LHX8: variants seen among roughly 807,000 people sequenced by gnomAD.
LHX8 encodes LIM homeobox 8, also known as LIM/homeobox protein Lhx8.
LHX8 carries 12 observed loss-of-function variants against 40.3 expected under a neutral mutation model. The observed-to-expected ratio is 0.30, with a 90% CI of 0.19 to 0.48. The LOEUF (loss-of-function observed/expected upper bound fraction) is 0.48. Ranked by LOEUF, LHX8 falls within the 20% of genes least tolerant of loss-of-function variation. The probability of loss-of-function intolerance (pLI) is 0.99; values close to 1 mark genes in which losing one functional copy is unlikely to be tolerated. For synonymous variants in LHX8, 179 were observed against 162.0 expected, an observed-to-expected ratio of 1.10 and a Z score of -0.80; for missense variants, 344 against 433.7, an observed-to-expected ratio of 0.79 and a Z score of 1.84.
At chr1:75,182,753 A>T in the LHX8 span, among the ~76,000 whole-genome samples, 1 of 152,170 alleles carries the variant, frequency 6.6e-6, no homozygotes, top group African/African-American at 2.4e-5. Context: ...CAGTAATGTT[A>T]TGCCTCTAGG....
At chr1:75,164,114 TTTA>T (rs1322542586), downstream of LHX8, among the ~76,000 whole-genome samples, 1 of 152,214 alleles carries the variant, frequency 6.6e-6, no homozygotes, top group East Asian at 1.9e-4. Flanking sequence ...ATAAAACAAT[TTTA>T]TTAGATAAAT....
At chr1:75,170,762 T>C in the LHX8 span, among the ~76,000 whole-genome samples, 17,512 of 152,112 alleles carry the variant, frequency 0.12, 1,656 homozygotes, top group African/African-American at 0.26. Context: ...TGGAAGAATT[T>C]TGCAGCAGAT....
rs112675930 is a variant in LHX8, at chr1:75,135,054, C to A, written c.-13+100C>A. On this transcript the variant is annotated intron_variant, in intron 1 of 8. Transcript: ENST00000356261. ...CTGTCGGGTGGAACCGGAGACCTGG[C>A]TCGTTTCGTTCGGCTGCCCGCGGAC... 1,331 of 452,612 alleles carry A rather than the reference C, an allele frequency of 2.9e-3. 15 individuals carry two copies. The highest frequency in any genetic ancestry group is 0.026 in the African/African-American group (1,214 of 47,092). The allele number at this position is 452,612 out of a possible 1,614,324, so 28.0% of individuals were successfully genotyped here.
the LHX8 span, among the ~76,000 whole-genome samples, chr1:75,191,783 A>G: frequency 6.6e-6 from 1 of 152,250 alleles, no homozygotes; most frequent in East Asian, 1.9e-4. Flanking sequence ...GTGGATTGCC[A>G]TCATTGGCCA....
chr1:75,129,854 C>T (rs1647919264), upstream of LHX8: 1 of 152,102 alleles, frequency 6.6e-6, no homozygotes, highest in Admixed American at 6.5e-5. Context: ...CCCGGTTTGC[C>T]TAGGACTTGT....
At chr1:75,130,545 A>AGTG, upstream of LHX8, 1 of 729,954 alleles carries the variant, frequency 1.4e-6, no homozygotes, top group Non-Finnish European at 2.5e-6. Flanking sequence ...GAGAGAGACC[A>AGTG]GTGGGTCCCA....
chr1:75,146,117 A>T (rs974698688), intron 6 of LHX8, among the ~76,000 whole-genome samples: 1 of 152,198 alleles, frequency 6.6e-6, no homozygotes, highest in African/African-American at 2.4e-5. Context: ...ACACTCTAAT[A>T]AATCGGTATC....
chr1:75,193,599 C>G, the LHX8 span, among the ~76,000 whole-genome samples: 1 of 152,182 alleles, frequency 6.6e-6, no homozygotes, highest in Non-Finnish European at 1.5e-5. Context: ...CTAAACTATG[C>G]TTCTTTTCTT....
the LHX8 span, among the ~76,000 whole-genome samples, chr1:75,191,050 GAT>G: frequency 0.023 from 3,553 of 152,084 alleles, 70 homozygotes; most frequent in Non-Finnish European, 0.038. Context: ...GAAATGAAAA[GAT>G]ATGAGAGAGA....
At chr1:75,188,738 C>T in the LHX8 span, among the ~76,000 whole-genome samples, 1 of 152,180 alleles carries the variant, frequency 6.6e-6, no homozygotes, top group Non-Finnish European at 1.5e-5. Flanking sequence ...GTGAGGTCTT[C>T]TGAGCTTTGT....
chr1:75,150,866 G>A (rs910333348), intron 7 of LHX8, among the ~76,000 whole-genome samples: 3 of 151,766 alleles, frequency 2.0e-5, no homozygotes, highest in Non-Finnish European at 4.4e-5. Flanking sequence ...TAGTAGAGAC[G>A]GGGTTTCACC....
At position 75,140,285 on chromosome 1, in the gene LHX8, C is replaced by G. The variant is rs546503418; in HGVS notation, c.238-700C>G. Reference sequence around the variant, plus strand: ...GTAAGTGGAAAACAGTGCTTGAGTGCTTTTTTAGAACCACTTATGATTAGA... The same window carrying G: ...GTAAGTGGAAAACAGTGCTTGAGTGGTTTTTTAGAACCACTTATGATTAGA... On this transcript the variant is annotated intron_variant, in intron 3 of 8. Transcript: ENST00000356261. Among the ~76,000 whole-genome samples, 3 of 152,220 alleles carry G rather than the reference C, an allele frequency of 2.0e-5. No homozygotes were observed. In the South Asian group the frequency reaches 6.2e-4, roughly 32 times the overall value.
chr1:75,192,177 T>C, the LHX8 span, among the ~76,000 whole-genome samples: 4 of 152,346 alleles, frequency 2.6e-5, no homozygotes, highest in Admixed American at 2.6e-4. Context: ...TACTAAGTGG[T>C]ATGTAAATGT....
At chr1:75,179,653 T>C in the LHX8 span, among the ~76,000 whole-genome samples, 1 of 152,170 alleles carries the variant, frequency 6.6e-6, no homozygotes, top group Non-Finnish European at 1.5e-5. Context: ...AATTTGCCAG[T>C]CTGTATCTTT....
downstream of LHX8, among the ~76,000 whole-genome samples, chr1:75,162,844 T>C (rs1241227677): frequency 1.3e-5 from 2 of 152,166 alleles, no homozygotes; most frequent in African/African-American, 4.8e-5. Context: ...TCCATGCTAG[T>C]AATATTCAGT....
the LHX8 span, among the ~76,000 whole-genome samples, chr1:75,175,932 T>G: frequency 6.6e-6 from 1 of 152,210 alleles, no homozygotes; most frequent in Admixed American, 6.5e-5. Flanking sequence ...TTTGGCTTTC[T>G]GTCCTTGTGA....
intron 7 of LHX8, among the ~76,000 whole-genome samples, chr1:75,153,793 A>T (rs2100356051): frequency 6.6e-6 from 1 of 152,234 alleles, no homozygotes; most frequent in Non-Finnish European, 1.5e-5. Context: ...TGTTTCAATT[A>T]TTTACGCCTA....
intron 7 of LHX8, among the ~76,000 whole-genome samples, chr1:75,154,547 T>C (rs116420568): frequency 0.017 from 2,543 of 152,240 alleles, 67 homozygotes; most frequent in African/African-American, 0.058. Flanking sequence ...CTCTGGCGTA[T>C]GTGTCTTCTG....
intron 7 of LHX8, among the ~76,000 whole-genome samples, chr1:75,154,611 A>G (rs1436781145): frequency 4.6e-5 from 7 of 151,962 alleles, no homozygotes; most frequent in Non-Finnish European, 1.5e-5. Flanking sequence ...CACATTGGAG[A>G]ATGTTTGAGT....
Sources: allele counts gnomAD v4.1 joint callset (sites outside exome capture counted in the v4.1 genomes callset), GRCh38; gene constraint gnomAD v4.1.1; transcripts MANE v1.5; gene names NCBI Gene and HGNC (gene_info 2026-07-23, HGNC 2026-07-21).